The following ATP7A variants were observed in gnomAD, a reference collection of about 807,000 sequenced individuals.
ATP7A encodes the protein copper-transporting ATPase 1.
Under a neutral mutation model 83.5 loss-of-function variants are expected in ATP7A, and 7 were observed. The observed-to-expected ratio is 0.08, with a 90% CI of 0.05 to 0.16. ATP7A has a LOEUF of 0.16. ATP7A is among the 10% of genes least tolerant of loss of function. ATP7A has a pLI of 1.00. For missense variants in ATP7A, 940 were observed against 1,120.8 expected, an observed-to-expected ratio of 0.84 and a Z score of 2.30; for synonymous variants, 354 against 395.2, an observed-to-expected ratio of 0.90 and a Z score of 1.24.
chrX:77,955,019 T>A (rs1249417726), intron 1 of ATP7A, among the ~76,000 whole-genome samples: 1 of 111,268 alleles, frequency 9.0e-6, no homozygotes, highest in African/African-American at 3.3e-5. Flanking sequence ...TAGGTAGTCC[T>A]ATGACATACC....
At chrX:77,947,963 A>G (rs782513868) in intron 1 of ATP7A, among the ~76,000 whole-genome samples, 1 of 102,875 alleles carries the variant, frequency 9.7e-6, no homozygotes, top group African/African-American at 3.6e-5. Context: ...CTGGTTTGGA[A>G]CTCCTGACCT....
At chrX:78,004,959 T>C (rs1376265962) in intron 6 of ATP7A, among the ~76,000 whole-genome samples, 1 of 111,702 alleles carries the variant, frequency 9.0e-6, no homozygotes, top group Non-Finnish European at 1.9e-5. Context: ...TGTGCATCTG[T>C]AGTCCCAGCT....
chrX:77,960,064 T>C (rs2077466449), intron 1 of ATP7A, among the ~76,000 whole-genome samples: 1 of 112,268 alleles, frequency 8.9e-6, no homozygotes, highest in South Asian at 3.7e-4. Context: ...GGATCACAAA[T>C]TGTGCAGATA....
At chrX:77,974,806 A>G in intron 2 of ATP7A, 1 of 297,378 alleles carries the variant, frequency 3.4e-6, no homozygotes, top group Non-Finnish European at 5.9e-6. Context: ...ATGCATTCCC[A>G]GGGTAAGCCT....
chrX:78,022,025 T>A (rs1557235853), intron 14 of ATP7A, among the ~76,000 whole-genome samples: 1 of 111,705 alleles, frequency 9.0e-6, no homozygotes, highest in South Asian at 3.7e-4. Context: ...TCCTGGGTGG[T>A]ACCTGGGGTT....
At chrX:77,941,412 C>A (rs1457186183) in intron 1 of ATP7A, among the ~76,000 whole-genome samples, 1 of 108,703 alleles carries the variant, frequency 9.2e-6, no homozygotes, top group African/African-American at 3.3e-5. Flanking sequence ...ATTTTTTTTT[C>A]TTTTTAATAA....
Position 77,984,658 on chromosome X carries a change from G to A in ATP7A, c.121-3584G>A, listed in dbSNP as rs183737704. Among the ~76,000 whole-genome samples the A allele has an allele frequency of 2.7e-5, 3 of 111,423 alleles. No individual in the cohort carries two copies. The East Asian group carries it at 8.5e-4, about 31-fold the overall frequency. ...TGGGATTACAGGTGTGAGCCACCAC[G>A]CCCAGCCAATAAGTACCATTTTGAC... On this transcript the variant is annotated intron_variant, in intron 2 of 22. Coordinates refer to ENST00000341514, the MANE Select transcript of ATP7A (RefSeq NM_000052.7).
intron 1 of ATP7A, among the ~76,000 whole-genome samples, chrX:77,932,390 G>A (rs868985614): frequency 2.8e-5 from 3 of 107,077 alleles, no homozygotes; most frequent in Non-Finnish European, 3.9e-5. Flanking sequence ...ATGGGATGGC[G>A]GCCGGGCAGA....
At chrX:78,020,115 C>A in intron 12 of ATP7A, 129 bp from the exon 13 acceptor site, 1 of 818,792 alleles carries the variant, frequency 1.2e-6, no homozygotes, top group Non-Finnish European at 1.8e-6. Flanking sequence ...AAAGGGAAAG[C>A]AACTTTCACC....
At chrX:77,938,498 C>A (rs2077332875) in intron 1 of ATP7A, among the ~76,000 whole-genome samples, 1 of 112,284 alleles carries the variant, frequency 8.9e-6, no homozygotes, top group Non-Finnish European at 1.9e-5. Flanking sequence ...CTCTTCATAA[C>A]CATCAGATGC....
intron 14 of ATP7A, among the ~76,000 whole-genome samples, chrX:78,024,749 A>G (rs1321702609): frequency 1.8e-5 from 2 of 111,495 alleles, no homozygotes; most frequent in African/African-American, 3.3e-5. Context: ...CAAAGGACAA[A>G]GTCCTTATGA....
intron 4 of ATP7A, among the ~76,000 whole-genome samples, chrX:77,994,062 TTTA>T (rs1223545122): frequency 9.1e-6 from 1 of 110,072 alleles, no homozygotes; most frequent in Non-Finnish European, 1.9e-5. Context: ...TAGCTAGCAT[TTTA>T]TTATTATTAT....
chrX:78,033,976 C>G (rs1299583028), intron 17 of ATP7A, among the ~76,000 whole-genome samples, 155 bp downstream of exon 17: 6 of 112,001 alleles, frequency 5.4e-5, no homozygotes, highest in Non-Finnish European at 1.1e-4. Flanking sequence ...TTAAATTAGT[C>G]AAGAATATTT....
At chrX:77,949,537 A>G (rs374844114) in intron 1 of ATP7A, among the ~76,000 whole-genome samples, 1 of 111,975 alleles carries the variant, frequency 8.9e-6, no homozygotes, top group East Asian at 2.8e-4. Flanking sequence ...TATTTAATTA[A>G]ATCACTTGGC....
intron 1 of ATP7A, among the ~76,000 whole-genome samples, chrX:77,913,329 T>A (rs1378378878): frequency 9.0e-6 from 1 of 111,335 alleles, no homozygotes; most frequent in Admixed American, 9.6e-5. Flanking sequence ...TCATCTTTGT[T>A]AAAGGGCAGT....
At chrX:78,001,683 A>G (rs1391093246) in intron 5 of ATP7A, among the ~76,000 whole-genome samples, 1 of 111,323 alleles carries the variant, frequency 9.0e-6, no homozygotes, top group African/African-American at 3.3e-5. Context: ...GACTTGACCT[A>G]TGGACTGTTG....
chrX:78,011,399 A>G (rs1340724349), intron 8 of ATP7A, 50 bp from the exon 9 acceptor site: 3 of 1,098,927 alleles, frequency 2.7e-6, no homozygotes, highest in Non-Finnish European at 2.5e-6. Context: ...ATCTTTACCC[A>G]TTAGCTATTT....
intron 1 of ATP7A, among the ~76,000 whole-genome samples, chrX:77,962,177 C>G (rs1557228140): frequency 1.8e-5 from 2 of 111,748 alleles, no homozygotes; most frequent in African/African-American, 6.5e-5. Context: ...TTTGGCTGCT[C>G]TGGTCGGATT....
At chrX:77,959,041 GCCTCCCA>G (rs1557227732) in intron 1 of ATP7A, among the ~76,000 whole-genome samples, 44 of 110,762 alleles carry the variant, frequency 4.0e-4, no homozygotes, top group African/African-American at 1.4e-3. Context: ...GCTCCCCTCA[GCCTCCCA>G]AGGTGCTGGG....
Sources: gnomAD v4.1 joint callset for allele counts (sites outside exome capture counted in the v4.1 genomes callset) on GRCh38, gnomAD v4.1.1 for gene constraint, MANE v1.5 for transcripts, NCBI Gene and HGNC (gene_info 2026-07-23, HGNC 2026-07-21) for gene names.